PHF3: variants seen among roughly 807,000 people sequenced by gnomAD.
PHF3 encodes PHD finger protein 3.
Under a neutral mutation model 178.4 loss-of-function variants are expected in PHF3, and 41 were observed. That is an observed-to-expected ratio of 0.23 (90% confidence interval 0.18 to 0.30). PHF3 has a LOEUF of 0.30. Among genes scored for constraint, PHF3 ranks in the 10% least tolerant of loss-of-function variants. The pLI, the probability that PHF3 is intolerant of heterozygous loss-of-function variation, is 1.00. For synonymous variants in PHF3, 842 were observed against 800.5 expected (o/e 1.05, Z -0.88); for missense variants, 2,346 against 2,398.1 (o/e 0.98, Z 0.45).
intron 2 of PHF3, chr6:63,678,916 A>G: frequency 2.4e-6 from 1 of 415,276 alleles, no homozygotes; most frequent in Non-Finnish European, 4.7e-6. Context: ...GGTTCCTTCT[A>G]ACCCCTAGGA....
intron 2 of PHF3, among the ~76,000 whole-genome samples, chr6:63,665,166 C>G (rs995692567): frequency 5.3e-5 from 8 of 151,866 alleles, no homozygotes; most frequent in African/African-American, 1.9e-4. Context: ...TTTCTTAGCC[C>G]GAGTTTTTTC....
chr6:63,679,727 A>G (rs1766342881), intron 2 of PHF3: 1 of 448,804 alleles, frequency 2.2e-6, no homozygotes, highest in African/African-American at 2.0e-5. Context: ...GCAAGTAATA[A>G]ATGGAAGTGA....
chr6:63,655,322 C>A (rs1040059289), intron 2 of PHF3, among the ~76,000 whole-genome samples: 22 of 152,134 alleles, frequency 1.4e-4, no homozygotes, highest in Admixed American at 1.3e-3. Flanking sequence ...GGTGATCCAC[C>A]TGCGTTGGCT....
chr6:63,680,239 G>GGTTTAT lies in PHF3; in HGVS notation c.406+78_406+79insGTTTAT, dbSNP rs1214913939. 7 of 1,202,152 alleles carry GGTTTAT rather than the reference G, an allele frequency of 5.8e-6. No homozygotes were observed. In the African/African-American group the frequency reaches 9.2e-5, roughly 16 times the overall value. The allele number at this position is 1,202,152 out of a possible 1,614,324, so 74.5% of individuals were successfully genotyped here. ...TGTTAGGTTATAAACCTGCTGAGCA[G>GGTTTAT]AAATCATATTTTCTTGATGTTTTGC... On this transcript the variant is annotated intron_variant, in intron 3 of 15. Transcript: ENST00000262043.
In PHF3 at chr6:63,679,998, A is replaced by G. The variant is rs200623505; in HGVS notation, c.245-2A>G. The G allele has an allele frequency of 6.2e-7, 1 of 1,605,846 alleles. No individual in the cohort carries two copies. The highest frequency in any genetic ancestry group is 8.5e-7 in the Non-Finnish European group (1 of 1,176,274). On this transcript the variant is annotated splice_acceptor_variant, in intron 2 of 15. Transcript: ENST00000262043. LOFTEE classifies it high-confidence loss of function. ...GTTAATTTTTTTGTCGTTTTTTTCT[A>G]GTTGTTGGTCTTGACGATATTATGG...
intron 3 of PHF3, among the ~76,000 whole-genome samples, chr6:63,682,051 C>T (rs1469588286): frequency 6.6e-6 from 1 of 152,102 alleles, no homozygotes; most frequent in Non-Finnish European, 1.5e-5. Flanking sequence ...TACAAATTCA[C>T]TTAATCTTAC....
chr6:63,696,434 C>A (rs1266952146), intron 6 of PHF3, among the ~76,000 whole-genome samples: 1 of 151,118 alleles, frequency 6.6e-6, no homozygotes, highest in East Asian at 2.0e-4. Context: ...ATCCTCTCGC[C>A]TCAACCTCCT....
intron 4 of PHF3, among the ~76,000 whole-genome samples, chr6:63,687,824 G>A (rs546202783): frequency 6.6e-6 from 1 of 152,222 alleles, no homozygotes; most frequent in East Asian, 1.9e-4. Context: ...TGGATCTACT[G>A]TATAGAATCT....
Position 63,711,944 on chromosome 6 carries a change from T to C in PHF3, c.4356T>C (p.Asn1452=), listed in dbSNP as rs1277174082. 2.5e-6 allele frequency: 4 copies of C among 1,613,814 alleles called. No individual in the cohort carries two copies. In the East Asian group the frequency reaches 8.9e-5, roughly 36 times the overall value. ...CTGGCGTGTTGATTGGCTGGGAGAA[T>C]CAACCTACTACTCTGGAATTAGCAA... The part of the protein sequence containing the change: ...FLPGVLIGWE[N]QPTTLELANK... Residue 1452 remains asparagine, a synonymous_variant, in exon 16 of 16, where the codon AAT becomes AAC. Coordinates refer to ENST00000262043, the MANE Select transcript of PHF3 (RefSeq NM_001370348.2).
At chr6:63,670,564 G>T (rs1211747272) in intron 2 of PHF3, among the ~76,000 whole-genome samples, 2 of 152,202 alleles carry the variant, frequency 1.3e-5, no homozygotes, top group Non-Finnish European at 2.9e-5. Flanking sequence ...GGGATTACAG[G>T]CATGAGCCAC....
At chr6:63,680,789 T>C (rs1291515191) in intron 3 of PHF3, among the ~76,000 whole-genome samples, 1 of 152,070 alleles carries the variant, frequency 6.6e-6, no homozygotes, top group African/African-American at 2.4e-5. Flanking sequence ...ATATCCATTT[T>C]ATTGAAAACA....
chr6:63,644,067 T>C (rs566846603), intron 1 of PHF3, among the ~76,000 whole-genome samples: 12 of 152,342 alleles, frequency 7.9e-5, no homozygotes, highest in African/African-American at 2.4e-4. Flanking sequence ...GAAGACCTCA[T>C]AGGAAGTTTG....
chr6:63,672,491 G>A (rs1427637473), intron 2 of PHF3, among the ~76,000 whole-genome samples: 5 of 152,140 alleles, frequency 3.3e-5, no homozygotes, highest in African/African-American at 1.2e-4. Context: ...TCATAATGTT[G>A]CTTGGTAGGT....
At position 63,714,896 on chromosome 6, in the gene PHF3, CTA is replaced by C. The variant is rs1192767888; in HGVS notation, c.*1190_*1191del. 2 of 151,720 alleles carry C rather than the reference CTA, an allele frequency of 1.3e-5. No homozygotes were observed. Among genetic ancestry groups the C allele is most frequent in the South Asian group, 4.1e-4 (2 of 4,820 alleles). 9.4% of individuals were successfully genotyped at this position (151,720 alleles called of 1,614,324 possible). A position where few individuals can be genotyped will look rare whatever the true frequency, so the allele number is the denominator to read the frequency against. On this transcript the variant is annotated 3_prime_UTR_variant, in exon 16 of 16. Coordinates refer to ENST00000262043, the MANE Select transcript of PHF3 (RefSeq NM_001370348.2). ...TTTACTTGAAAAAAAAATATGAAAA[CTA>C]TTGTTAATTCAAATCTAAATTTATT...
rs1768073577 is a variant in PHF3 at position 63,713,633 on chromosome 6, C to G, written c.6045C>G (p.His2015Gln). 1 of 1,612,358 alleles carries G rather than the reference C, an allele frequency of 6.2e-7. No individual in the cohort carries two copies. The highest frequency in any genetic ancestry group is 8.5e-7 in the Non-Finnish European group (1 of 1,179,480). The change falls in exon 16 of 16, where the codon CAC becomes CAG. Residue 2015 changes from histidine (H) to glutamine (Q), a missense_variant. By Grantham distance (24) the His-to-Gln change is conservative. Transcript: ENST00000262043. ...EKDKEREKSK[H>Q]REGEKDRDRY... The stretch of plus-strand genomic sequence containing the variant: ...ACAAAGAACGAGAGAAAAGTAAACA[C>G]AGAGAAGGAGAAAAGGACAGGGATA...
Position 63,711,575 on chromosome 6 carries a change from G to C in PHF3, c.3998-11G>C, listed in dbSNP as rs757995178. 8.4e-6 allele frequency: 13 copies of C among 1,550,086 alleles called. No individual in the cohort carries two copies. Among genetic ancestry groups the C allele is most frequent in the Non-Finnish European group, 1.1e-5 (13 of 1,153,810 alleles). On this transcript the variant is annotated splice_polypyrimidine_tract_variant and intron_variant, in intron 15 of 15. Coordinates refer to ENST00000262043, the MANE Select transcript of PHF3 (RefSeq NM_001370348.2). ...AATGATGAATTAATTGATGTTTTTG[G>C]TTTTATACAGGGCTTGAACTGCATA...
intron 2 of PHF3, among the ~76,000 whole-genome samples, chr6:63,648,051 C>T (rs939267153): frequency 8.5e-5 from 13 of 152,106 alleles, no homozygotes; most frequent in Non-Finnish European, 1.6e-4. Context: ...TTAAGTTTGC[C>T]AGGTTACTCT....
In PHF3 at chr6:63,721,579, T is replaced by G. The variant is rs1339447656; in HGVS notation, c.*7871T>G. On this transcript the variant is annotated 3_prime_UTR_variant, in exon 16 of 16. Transcript: ENST00000262043. ...ACTCCTCCAATATAGAAGTCTGTAT[T>G]TGTGTCCAGAGAACTCATTTTAGTG... The G allele has an allele frequency of 1.3e-6, 2 of 1,551,770 alleles. No homozygotes were observed. Among genetic ancestry groups the G allele is most frequent in the South Asian group, 2.4e-5 (2 of 84,058 alleles).
At chr6:63,665,273 T>C (rs569371151) in intron 2 of PHF3, among the ~76,000 whole-genome samples, 4 of 152,252 alleles carry the variant, frequency 2.6e-5, no homozygotes, top group Admixed American at 6.5e-5. Flanking sequence ...ATATGACTTA[T>C]CACATCTACT....
Sources: gnomAD v4.1 joint callset for allele counts (sites outside exome capture counted in the v4.1 genomes callset) on GRCh38, gnomAD v4.1.1 for gene constraint, MANE v1.5 for transcripts, NCBI Gene and HGNC (gene_info 2026-07-23, HGNC 2026-07-21) for gene names.